The following DKK2 variants were observed in gnomAD, a reference collection of about 807,000 sequenced individuals.
DKK2 encodes the protein dickkopf-related protein 2.
DKK2 carries 11 observed loss-of-function variants against 28.1 expected under a neutral mutation model. The observed-to-expected ratio is 0.39, with a 90% CI of 0.25 to 0.65. The LOEUF is 0.65. Among genes scored for constraint, DKK2 ranks in the 30% least tolerant of loss-of-function variants. The pLI is 0.47. For synonymous variants in DKK2, 135 were observed against 126.5 expected (o/e 1.07, Z -0.45); for missense variants, 326 against 335.5 (o/e 0.97, Z 0.22).
At chr4:107,016,447 C>A (rs972251537) in intron 1 of DKK2, among the ~76,000 whole-genome samples, 1 of 151,814 alleles carries the variant, frequency 6.6e-6, no homozygotes, top group South Asian at 2.1e-4. Context: ...GAAAAGCAAA[C>A]CCTAGACTAC....
intron 1 of DKK2, among the ~76,000 whole-genome samples, chr4:106,943,295 T>C (rs191948838): frequency 5.8e-4 from 88 of 152,232 alleles, no homozygotes; most frequent in Non-Finnish European, 1.0e-3. Context: ...AAGGAAATCA[T>C]CTTTCATTTC....
chr4:107,034,315 T>C (rs1723927734), intron 1 of DKK2, among the ~76,000 whole-genome samples: 1 of 152,012 alleles, frequency 6.6e-6, no homozygotes. Flanking sequence ...GGGTTGACAC[T>C]TGTGTTGTGC....
intron 1 of DKK2, among the ~76,000 whole-genome samples, chr4:106,932,650 G>GCA (rs1724520744): frequency 6.6e-6 from 1 of 152,088 alleles, no homozygotes; most frequent in African/African-American, 2.4e-5. Flanking sequence ...TGCTCAAAAA[G>GCA]CAGCATCTCA....
intron 1 of DKK2, among the ~76,000 whole-genome samples, chr4:106,936,584 G>A (rs1461220953): frequency 6.6e-6 from 1 of 152,138 alleles, no homozygotes; most frequent in Non-Finnish European, 1.5e-5. Flanking sequence ...TAGCAAGGCA[G>A]GCCAACATTC....
intron 1 of DKK2, among the ~76,000 whole-genome samples, chr4:106,943,644 G>A (rs945331394): frequency 6.6e-6 from 1 of 152,078 alleles, no homozygotes; most frequent in African/African-American, 2.4e-5. Flanking sequence ...TTGGCTGCAA[G>A]TATTTTATGT....
chr4:106,936,264 T>C (rs1225340184), intron 1 of DKK2, among the ~76,000 whole-genome samples: 1 of 151,800 alleles, frequency 6.6e-6, no homozygotes, highest in African/African-American at 2.4e-5. Flanking sequence ...TACAGAGAAG[T>C]GCTTAAAGGA....
At chr4:107,009,519 G>A (rs1281961920) in intron 1 of DKK2, among the ~76,000 whole-genome samples, 1 of 151,882 alleles carries the variant, frequency 6.6e-6, no homozygotes, top group African/African-American at 2.4e-5. Flanking sequence ...CTGCAGCTGG[G>A]AGGGTGAGGA....
chr4:106,979,992 A>G (rs1158961098), intron 1 of DKK2, among the ~76,000 whole-genome samples: 1 of 152,226 alleles, frequency 6.6e-6, no homozygotes, highest in Non-Finnish European at 1.5e-5. Context: ...ATACACATAA[A>G]ACTTCTAAAA....
intron 1 of DKK2, among the ~76,000 whole-genome samples, chr4:106,988,689 G>A (rs921582664): frequency 3.3e-5 from 5 of 152,258 alleles, no homozygotes; most frequent in Non-Finnish European, 4.4e-5. Flanking sequence ...TGTAAACATC[G>A]TTTAAAAACT....
chr4:106,942,172 C>G (rs1724710047), intron 1 of DKK2, among the ~76,000 whole-genome samples: 1 of 152,148 alleles, frequency 6.6e-6, no homozygotes, highest in Admixed American at 6.6e-5. Flanking sequence ...AAATCTCAGC[C>G]TCAGAAATGT....
At chr4:106,987,171 A>G (rs895973370) in intron 1 of DKK2, among the ~76,000 whole-genome samples, 2 of 152,264 alleles carry the variant, frequency 1.3e-5, no homozygotes, top group African/African-American at 4.8e-5. Context: ...TAAATAATCC[A>G]TATTCATATA....
intron 1 of DKK2, among the ~76,000 whole-genome samples, chr4:106,970,974 T>C (rs1009500137): frequency 6.6e-6 from 1 of 152,112 alleles, no homozygotes; most frequent in Non-Finnish European, 1.5e-5. Flanking sequence ...TATTGTTAAG[T>C]TTTAAACTTT....
chr4:106,978,911 A>C (rs935062639), intron 1 of DKK2, among the ~76,000 whole-genome samples: 1 of 152,106 alleles, frequency 6.6e-6, no homozygotes, highest in African/African-American at 2.4e-5. Context: ...GGAATCTCCT[A>C]GTCTACGGGT....
intron 1 of DKK2, among the ~76,000 whole-genome samples, chr4:107,028,258 C>G (rs998023508): frequency 9.9e-5 from 15 of 152,160 alleles, no homozygotes; most frequent in Non-Finnish European, 1.9e-4. Context: ...AATTCTTACT[C>G]TCAGAGTAAT....
intron 1 of DKK2, among the ~76,000 whole-genome samples, chr4:106,971,984 C>G (rs954478196): frequency 6.6e-6 from 1 of 152,062 alleles, no homozygotes; most frequent in African/African-American, 2.4e-5. Context: ...TTCTTTGGTA[C>G]TCCAAATCCA....
chr4:107,017,902 G>GA (rs1723633356), intron 1 of DKK2, among the ~76,000 whole-genome samples: 1 of 151,818 alleles, frequency 6.6e-6, no homozygotes, highest in Non-Finnish European at 1.5e-5. Context: ...ACCAATGATT[G>GA]AAAAAAACAC....
chr4:106,923,800 AT>A lies in DKK2; in HGVS notation c.*153del. 9.6e-7 allele frequency: 1 copy of A among 1,044,288 alleles called. No homozygotes were observed. The allele number at this position is 1,044,288 out of a possible 1,614,324, so 64.7% of individuals were successfully genotyped here. ...TCACCCATTCTAATCTATTCAGTTC[AT>A]GTTTTCTTTCTCCCTTTTTGTGATC... On this transcript the variant is annotated 3_prime_UTR_variant, in exon 4 of 4. Coordinates refer to ENST00000285311, the MANE Select transcript of DKK2 (RefSeq NM_014421.3).
At chr4:106,993,640 A>C (rs1723234085) in intron 1 of DKK2, among the ~76,000 whole-genome samples, 1 of 152,110 alleles carries the variant, frequency 6.6e-6, no homozygotes, top group Admixed American at 6.6e-5. Context: ...TCACAAGATC[A>C]AAAAGTAATC....
intron 1 of DKK2, among the ~76,000 whole-genome samples, chr4:106,926,907 G>A (rs990522714): frequency 3.3e-5 from 5 of 152,130 alleles, no homozygotes; most frequent in African/African-American, 4.8e-5. Context: ...CATTAAAAAT[G>A]TCCCTGTGTT....
Sources: gnomAD v4.1 joint callset for allele counts (sites outside exome capture counted in the v4.1 genomes callset) on GRCh38, gnomAD v4.1.1 for gene constraint, MANE v1.5 for transcripts, NCBI Gene and HGNC (gene_info 2026-07-23, HGNC 2026-07-21) for gene names.